SDK1: variants seen among roughly 807,000 people sequenced by gnomAD.
SDK1 encodes protein sidekick-1.
A neutral mutation model predicts 245.5 loss-of-function variants in SDK1; 157 were observed. The ratio of observed to expected loss-of-function variants is 0.64; its 90% CI spans 0.56 to 0.73. The LOEUF is 0.73. Ranked by LOEUF, SDK1 falls within the 30% of genes least tolerant of loss-of-function variation. The pLI, the probability that SDK1 is intolerant of heterozygous loss-of-function variation, is 0.00. For synonymous variants in SDK1, 1,647 were observed against 1,278.5 expected (o/e 1.29, Z -6.15); for missense variants, 3,583 against 3,002.3 (o/e 1.19, Z -4.52).
chr7:4,158,781 G>A (rs1233551528), intron 31 of SDK1, among the ~76,000 whole-genome samples: 1 of 152,214 alleles, frequency 6.6e-6, no homozygotes, highest in Non-Finnish European at 1.5e-5. Flanking sequence ...GGCTTCTAAA[G>A]CCCCTACTAT....
At chr7:3,927,923 C>A (rs1779833739) in intron 5 of SDK1, among the ~76,000 whole-genome samples, 1 of 152,146 alleles carries the variant, frequency 6.6e-6, no homozygotes, top group African/African-American at 2.4e-5. Flanking sequence ...TGAGCAGATT[C>A]TTTGTTTTCT....
intron 5 of SDK1, among the ~76,000 whole-genome samples, chr7:3,850,739 C>T (rs1279764217): frequency 6.6e-6 from 1 of 151,908 alleles, no homozygotes; most frequent in Non-Finnish European, 1.5e-5. Flanking sequence ...CCATCATTCT[C>T]AGCAAACTAT....
chr7:3,677,830 A>G (rs1398082415), intron 4 of SDK1, among the ~76,000 whole-genome samples: 3 of 152,242 alleles, frequency 2.0e-5, no homozygotes, highest in African/African-American at 7.2e-5. Context: ...GAGAACCCAG[A>G]AATATATTCA....
intron 1 of SDK1, among the ~76,000 whole-genome samples, chr7:3,559,917 G>T (rs763810997): frequency 1.3e-4 from 20 of 152,292 alleles, no homozygotes; most frequent in Admixed American, 3.3e-4. Context: ...GTTTCAGGAT[G>T]ATTGATGTTG....
intron 1 of SDK1, among the ~76,000 whole-genome samples, chr7:3,510,700 A>G (rs1429947193): frequency 6.6e-6 from 1 of 152,130 alleles, no homozygotes; most frequent in African/African-American, 2.4e-5. Context: ...ATGAAACCTC[A>G]GAGATAGCAG....
intron 4 of SDK1, among the ~76,000 whole-genome samples, chr7:3,779,440 G>A (rs1034607746): frequency 2.0e-5 from 3 of 151,430 alleles, no homozygotes; most frequent in African/African-American, 7.3e-5. Context: ...GTGTGGCAAA[G>A]CCAGTAACCT....
At chr7:4,059,900 G>A (rs975405525) in intron 19 of SDK1, among the ~76,000 whole-genome samples, 2 of 144,124 alleles carry the variant, frequency 1.4e-5, no homozygotes, top group Admixed American at 1.4e-4. Flanking sequence ...TTTTTTTTGA[G>A]ACGGAGTCTT....
At chr7:3,592,027 T>A (rs973954179) in intron 1 of SDK1, among the ~76,000 whole-genome samples, 5 of 152,200 alleles carry the variant, frequency 3.3e-5, no homozygotes, top group South Asian at 2.1e-4. Context: ...TTTTTACCAT[T>A]TGTGGAAATT....
intron 4 of SDK1, among the ~76,000 whole-genome samples, chr7:3,802,943 G>GT (rs1779142700): frequency 6.6e-6 from 1 of 152,108 alleles, no homozygotes; most frequent in Non-Finnish European, 1.5e-5. Context: ...TTCTATTCAG[G>GT]TTTTTGCGTA....
chr7:3,513,448 T>C (rs1190939959), intron 1 of SDK1, among the ~76,000 whole-genome samples: 1 of 152,174 alleles, frequency 6.6e-6, no homozygotes, highest in Non-Finnish European at 1.5e-5. Flanking sequence ...ATTTATCAAC[T>C]TTTTGGATGA....
chr7:4,072,292 G>A (rs920801), intron 20 of SDK1, among the ~76,000 whole-genome samples: 3,829 of 152,312 alleles, frequency 0.025, 80 homozygotes, highest in Admixed American at 0.053. Flanking sequence ...CAGACTCTCT[G>A]CAGGTTCCTC....
chr7:3,511,489 G>T (rs887749034), intron 1 of SDK1, among the ~76,000 whole-genome samples: 1 of 152,078 alleles, frequency 6.6e-6, no homozygotes, highest in Non-Finnish European at 1.5e-5. Flanking sequence ...CCTGTTTAAT[G>T]AACATTTAAC....
intron 4 of SDK1, among the ~76,000 whole-genome samples, chr7:3,647,057 T>G (rs933039479): frequency 2.0e-5 from 3 of 152,162 alleles, no homozygotes; most frequent in African/African-American, 7.2e-5. Context: ...GTGAATGCAC[T>G]TAATGCCACT....
intron 1 of SDK1, among the ~76,000 whole-genome samples, chr7:3,436,150 A>G (rs1205561973): frequency 6.6e-6 from 1 of 152,208 alleles, no homozygotes; most frequent in Non-Finnish European, 1.5e-5. Flanking sequence ...AGACATTTTT[A>G]AGATTCATTT....
At chr7:3,321,383 G>A (rs1454043005) in intron 1 of SDK1, among the ~76,000 whole-genome samples, 1 of 152,216 alleles carries the variant, frequency 6.6e-6, no homozygotes, top group East Asian at 1.9e-4. Context: ...TGTGAGCTGC[G>A]AACTTTGTCC....
chr7:3,374,293 T>C (rs1032611899), intron 1 of SDK1, among the ~76,000 whole-genome samples: 2 of 152,190 alleles, frequency 1.3e-5, no homozygotes, highest in African/African-American at 2.4e-5. Context: ...ATGTTCCTTT[T>C]CTGGAAGACT....
chr7:3,542,617 T>C (rs1166448103), intron 1 of SDK1, among the ~76,000 whole-genome samples: 1 of 152,228 alleles, frequency 6.6e-6, no homozygotes, highest in South Asian at 2.1e-4. Flanking sequence ...ATAACATTAT[T>C]AAAATAAAAA....
intron 2 of SDK1, among the ~76,000 whole-genome samples, chr7:3,628,293 T>C (rs1187846888): frequency 3.3e-5 from 5 of 152,246 alleles, no homozygotes; most frequent in South Asian, 4.1e-4. Context: ...TCTTTCAAGA[T>C]AGAATCTTGC....
At chr7:3,451,198 G>A (rs1384349471) in intron 1 of SDK1, among the ~76,000 whole-genome samples, 1 of 152,028 alleles carries the variant, frequency 6.6e-6, no homozygotes, top group Non-Finnish European at 1.5e-5. Flanking sequence ...TAAATCTAGG[G>A]ATGGGGGAGA....
Sources: gnomAD v4.1 joint callset for allele counts (sites outside exome capture counted in the v4.1 genomes callset) on GRCh38, gnomAD v4.1.1 for gene constraint, MANE v1.5 for transcripts, NCBI Gene and HGNC (gene_info 2026-07-23, HGNC 2026-07-21) for gene names.